GNB1: variants seen among roughly 807,000 people sequenced by gnomAD.
GNB1 encodes the protein guanine nucleotide-binding protein G(I)/G(S)/G(T) subunit beta-1.
GNB1 carries 2 observed loss-of-function variants against 42.9 expected under a neutral mutation model. The observed-to-expected ratio is 0.05, with a 90% confidence interval of 0.02 to 0.15. The LOEUF (loss-of-function observed/expected upper bound fraction) is 0.15. Ranked by LOEUF, GNB1 falls within the 10% of genes least tolerant of loss-of-function variation. The pLI, the probability that GNB1 is intolerant of heterozygous loss-of-function variation, is 1.00. For missense variants in GNB1, 193 were observed against 462.2 expected (o/e 0.42, Z 5.34); for synonymous variants, 183 against 174.7 (o/e 1.05, Z -0.38).
intron 2 of GNB1, among the ~76,000 whole-genome samples, chr1:1,837,494 T>C (rs1198503161): frequency 6.6e-6 from 1 of 151,648 alleles, no homozygotes; most frequent in African/African-American, 2.4e-5. Flanking sequence ...GACCTCGTGA[T>C]CCACCCTCCT....
Position 1,836,387 on chromosome 1 carries a change from C to CT in GNB1, c.-47+2802dup, listed in dbSNP as rs34812880. Among the ~76,000 whole-genome samples, 197 of 85,138 alleles carry CT rather than the reference C, an allele frequency of 2.3e-3. 4 individuals carry two copies. Among genetic ancestry groups the CT allele is most frequent in the Middle Eastern group, 6.8e-3 (1 of 148 alleles). 55.9% of individuals were successfully genotyped at this position (85,138 alleles called of 152,430 possible). On this transcript the variant is annotated intron_variant, in intron 2 of 11. Transcript: ENST00000378609. ...TGGGTTACCTGTTTTCTTAATATTG[C>CT]TTTTTTTTTTTTTTTTTTTTTTGAC...
intron 5 of GNB1, among the ~76,000 whole-genome samples, chr1:1,807,487 A>AAAAAAAAAAAC (rs1646716750): frequency 6.8e-6 from 1 of 147,108 alleles, no homozygotes; most frequent in African/African-American, 2.5e-5. Flanking sequence ...AAAAAAAAAA[A>AAAAAAAAAAAC]AAAAAACAAA....
Position 1,789,043 on chromosome 1 carries a change from G to A in GNB1, c.916+10C>T. Reference sequence around the variant, plus strand: ...TCCACAAGACACAGAAAGGCCCCATGGCCACGTACCTGCCCGGTCGGCTTT... The same window carrying A: ...TCCACAAGACACAGAAAGGCCCCATAGCCACGTACCTGCCCGGTCGGCTTT... On this transcript the variant is annotated intron_variant, in intron 10 of 11. Coordinates refer to ENST00000378609, the MANE Select transcript of GNB1 (RefSeq NM_002074.5). 1.9e-6 allele frequency: 3 copies of A among 1,600,494 alleles called. No individual in the cohort carries two copies. The highest frequency in any genetic ancestry group is 2.6e-6 in the Non-Finnish European group (3 of 1,167,712).
At chr1:1,848,584 T>C (rs1220780366) in intron 1 of GNB1, among the ~76,000 whole-genome samples, 2 of 152,146 alleles carry the variant, frequency 1.3e-5, no homozygotes, top group African/African-American at 4.8e-5. Context: ...CATTAAATAG[T>C]AAATACATTT....
intron 1 of GNB1, among the ~76,000 whole-genome samples, chr1:1,853,010 A>T (rs1648075929): frequency 6.6e-6 from 1 of 152,084 alleles, no homozygotes; most frequent in Non-Finnish European, 1.5e-5. Flanking sequence ...GTGTAAAGCA[A>T]GCCTCAGCAC....
chr1:1,793,362 C>G (rs374861590), intron 7 of GNB1, 51 bp from the exon 8 acceptor site: 129 of 1,278,554 alleles, frequency 1.0e-4, no homozygotes, highest in Non-Finnish European at 1.5e-4. Flanking sequence ...GGCCTTGCAC[C>G]CAGCCTCATA....
At chr1:1,854,508 G>C (rs2101566298) in intron 1 of GNB1, among the ~76,000 whole-genome samples, 1 of 152,316 alleles carries the variant, frequency 6.6e-6, no homozygotes, top group African/African-American at 2.4e-5. Context: ...GGTAGAGGAA[G>C]GGGACCACAA....
chr1:1,865,389 A>T (rs1372405058), intron 1 of GNB1, among the ~76,000 whole-genome samples: 1 of 151,192 alleles, frequency 6.6e-6, no homozygotes, highest in Non-Finnish European at 1.5e-5. Context: ...GATCGAGACC[A>T]TCCTGGCTAA....
intron 2 of GNB1, among the ~76,000 whole-genome samples, chr1:1,826,136 G>A (rs2100999911): frequency 6.6e-6 from 1 of 152,290 alleles, no homozygotes; most frequent in Admixed American, 6.5e-5. Context: ...TGACATTTAG[G>A]CCAGGTGTGG....
intron 3 of GNB1, among the ~76,000 whole-genome samples, chr1:1,819,891 C>T (rs898113343): frequency 6.6e-6 from 1 of 152,162 alleles, no homozygotes; most frequent in Non-Finnish European, 1.5e-5. Context: ...ATCTGACCAT[C>T]TACTTTCAAA....
chr1:1,828,180 G>A (rs1647024934), intron 2 of GNB1, among the ~76,000 whole-genome samples: 1 of 152,108 alleles, frequency 6.6e-6, no homozygotes, highest in African/African-American at 2.4e-5. Flanking sequence ...AATTAGCCAG[G>A]CGTGGTGGTG....
chr1:1,856,794 A>G (rs966996919), intron 1 of GNB1, among the ~76,000 whole-genome samples: 6 of 152,224 alleles, frequency 3.9e-5, no homozygotes, highest in African/African-American at 1.2e-4. Flanking sequence ...CAGTTTGGTG[A>G]TATGTTGGGA....
At chr1:1,815,482 A>G (rs760225946) in intron 5 of GNB1, among the ~76,000 whole-genome samples, 3 of 152,332 alleles carry the variant, frequency 2.0e-5, no homozygotes, top group East Asian at 3.9e-4. Flanking sequence ...TAGAAACTGA[A>G]AGAGACAGGA....
At chr1:1,861,609 G>A (rs966349457) in intron 1 of GNB1, among the ~76,000 whole-genome samples, 2 of 152,054 alleles carry the variant, frequency 1.3e-5, no homozygotes, top group South Asian at 2.1e-4. Flanking sequence ...GGTTGGTGGT[G>A]GGGGAGAAGT....
chr1:1,859,310 C>A (rs138027923), intron 1 of GNB1, among the ~76,000 whole-genome samples: 1 of 152,182 alleles, frequency 6.6e-6, no homozygotes, highest in East Asian at 1.9e-4. Context: ...GCGTGAGCCA[C>A]CACGCCCCGA....
At chr1:1,816,904 TC>T (rs1219989506) in intron 4 of GNB1, among the ~76,000 whole-genome samples, 1 of 152,154 alleles carries the variant, frequency 6.6e-6, no homozygotes, top group Non-Finnish European at 1.5e-5. Flanking sequence ...TGCCTCGGCC[TC>T]CCAAAGTGCT....
intron 7 of GNB1, among the ~76,000 whole-genome samples, chr1:1,799,082 G>A (rs1646588285): frequency 6.6e-6 from 1 of 152,042 alleles, no homozygotes; most frequent in South Asian, 2.1e-4. Flanking sequence ...CACCTCGCCC[G>A]GCTAATTTTT....
At chr1:1,858,404 T>C (rs751228077) in intron 1 of GNB1, among the ~76,000 whole-genome samples, 4 of 152,222 alleles carry the variant, frequency 2.6e-5, no homozygotes, top group Admixed American at 6.5e-5. Flanking sequence ...TTCTGCATGT[T>C]GGAGAGGCCC....
chr1:1,878,179 C>G (rs1158994726), intron 1 of GNB1, among the ~76,000 whole-genome samples: 1 of 152,208 alleles, frequency 6.6e-6, no homozygotes, highest in Non-Finnish European at 1.5e-5. Flanking sequence ...TAGTTCCCAG[C>G]ATGGTGCCTG....
Sources: gnomAD v4.1 joint callset for allele counts (sites outside exome capture counted in the v4.1 genomes callset) on GRCh38, gnomAD v4.1.1 for gene constraint, MANE v1.5 for transcripts, NCBI Gene and HGNC (gene_info 2026-07-23, HGNC 2026-07-21) for gene names.